BRPF1: variants seen among roughly 807,000 people sequenced by gnomAD.
BRPF1 encodes bromodomain and PHD finger containing 1, also known as peregrin.
Under a neutral mutation model 115.0 loss-of-function variants are expected in BRPF1, and 15 were observed. The observed-to-expected ratio is 0.13, with a 90% CI of 0.09 to 0.20. The LOEUF (loss-of-function observed/expected upper bound fraction) is 0.20, where lower values mean the gene tolerates loss of function less well. BRPF1 is among the 10% of genes least tolerant of loss of function. BRPF1 has a pLI of 1.00. For synonymous variants in BRPF1, 647 were observed against 619.8 expected, an observed-to-expected ratio of 1.04 and a Z score of -0.65; for missense variants, 1,118 against 1,638.3, an observed-to-expected ratio of 0.68 and a Z score of 5.48.
rs768402081 is a variant in BRPF1 at position 9,743,659 on chromosome 3, G to A, written c.2393G>A (p.Arg798Gln). The A allele has an allele frequency of 2.6e-5, 42 of 1,614,142 alleles. No individual in the cohort carries two copies. The highest frequency in any genetic ancestry group is 7.7e-5 in the South Asian group (7 of 91,086). The change falls in exon 8 of 14, where the codon CGG becomes CAG. Residue 798 changes from arginine to glutamine, a missense_variant. By Grantham distance (43) the Arg-to-Gln change is conservative (BLOSUM62 1). Transcript: ENST00000383829. The surrounding 1 kb of genome is among the most constrained non-coding windows in gnomAD (Gnocchi z 6.1). Reference protein sequence around the residue: ...VEEQLKLLLERLDEVNASKQS... With the variant: ...VEEQLKLLLEQLDEVNASKQS... The stretch of plus-strand genomic sequence containing the variant: ...GAACAGCTAAAGCTGCTTCTGGAGC[G>A]GCTGGACGAAGTGAATGCCAGCAAG...
chr3:9,741,071 G>A (rs1332145588), intron 4 of BRPF1, 130 bp downstream of exon 4: 24 of 1,090,878 alleles, frequency 2.2e-5, no homozygotes, highest in Non-Finnish European at 2.9e-5. Flanking sequence ...CTCAAACCAG[G>A]ATCAGCATGG....
Position 9,745,282 on chromosome 3 carries a change from A to C in BRPF1, c.3068+127A>C, listed in dbSNP as rs1261446892. On this transcript the variant is annotated intron_variant, in intron 10 of 13. Transcript: ENST00000383829. This position sits in a 1 kb window ranked among gnomAD's most constrained non-coding sequence, Gnocchi z 5.1. ...GTCTAGATTAAGATGGCTCAAACTCAAGGTTCTCTGCTAAATAAATAAATC... is the reference window on the plus strand; with the variant it reads ...GTCTAGATTAAGATGGCTCAAACTCCAGGTTCTCTGCTAAATAAATAAATC... 8.5e-7 allele frequency: 1 copy of C among 1,171,146 alleles called. No individual in the cohort carries two copies. The highest frequency in any genetic ancestry group is 1.2e-6 in the Non-Finnish European group (1 of 846,584). The allele number at this position is 1,171,146 out of a possible 1,614,324, so 72.5% of individuals were successfully genotyped here.
At position 9,734,458 on chromosome 3, in the gene BRPF1, C is replaced by G. The variant is rs927562819; in HGVS notation, c.318C>G (p.Arg106=). ...QRMVEVDLHG[R]VHRISIFDNL... ...TGGTGGAGGTGGACTTGCATGGCCG[C>G]GTCCACCGCATCAGCATCTTTGACA... Residue 106 remains arginine (R), a synonymous_variant, in exon 2 of 14, where the codon CGC becomes CGG. Coordinates refer to ENST00000383829, the MANE Select transcript of BRPF1 (RefSeq NM_001003694.2). The surrounding 1 kb of genome is among the most constrained non-coding windows in gnomAD (Gnocchi z 5.7). 6.2e-7 allele frequency: 1 copy of G among 1,614,024 alleles called. No homozygotes were observed. Among genetic ancestry groups the G allele is most frequent in the Admixed American group, 1.7e-5 (1 of 59,998 alleles).
At chr3:9,744,701 C>T (rs2077092767) in intron 9 of BRPF1, among the ~76,000 whole-genome samples, 193 bp downstream of exon 9, 1 of 152,224 alleles carries the variant, frequency 6.6e-6, no homozygotes, top group South Asian at 2.1e-4. Flanking sequence ...CAGCTAAAGT[C>T]CCATCCAGGG....
Position 9,734,860 on chromosome 3 carries a change from T to C in BRPF1, c.599+121T>C. On this transcript the variant is annotated intron_variant, in intron 2 of 13. Transcript: ENST00000383829. The surrounding 1 kb of genome is among the most constrained non-coding windows in gnomAD (Gnocchi z 5.7). ...ATAAAGAATAGTGAAAGAACACTGA[T>C]TTTGCCAGGGCAGTGAGTGGAATGG... The C allele has an allele frequency of 7.6e-7, 1 of 1,310,356 alleles. No individual in the cohort carries two copies. The highest frequency in any genetic ancestry group is 1.4e-5 in the South Asian group (1 of 71,014). The allele number at this position is 1,310,356 out of a possible 1,614,324, so 81.2% of individuals were successfully genotyped here.
chr3:9,745,465 C>A lies in BRPF1; in HGVS notation c.3069-108C>A. The A allele has an allele frequency of 7.6e-7, 1 of 1,314,768 alleles. No homozygotes were observed. 81.4% of individuals were successfully genotyped at this position (1,314,768 alleles called of 1,614,324 possible). ...TTTGAAATTCCTCATATAGCCTCTG[C>A]TTTCCAAAAGTCTCAGACCCTGCGG... On this transcript the variant is annotated intron_variant, in intron 10 of 13. Coordinates refer to ENST00000383829, the MANE Select transcript of BRPF1 (RefSeq NM_001003694.2). This position sits in a 1 kb window ranked among gnomAD's most constrained non-coding sequence, Gnocchi z 5.1.
At chr3:9,746,729 C>CTT (rs2077133136) in intron 13 of BRPF1, among the ~76,000 whole-genome samples, 2 of 152,186 alleles carry the variant, frequency 1.3e-5, no homozygotes, top group African/African-American at 4.8e-5. Flanking sequence ...ACTCAGATGG[C>CTT]TTCTAGACTT....
chr3:9,744,609 G>C, intron 9 of BRPF1, 101 bp downstream of exon 9: 1 of 919,770 alleles, frequency 1.1e-6, no homozygotes, highest in Non-Finnish European at 1.6e-6. Context: ...AAAAGAGCGA[G>C]CTAGAAGGGT....
rs372391475 is a variant in BRPF1 at position 9,746,294 on chromosome 3, C to G, written c.3325-6C>G. 1 of 1,551,258 alleles carries G rather than the reference C, an allele frequency of 6.4e-7. No homozygotes were observed. The highest frequency in any genetic ancestry group is 2.3e-5 in the East Asian group (1 of 43,736). ...GAACCAAACTGGGCTCTTATTATAT[C>G]CTCAGATCATTGATCCAAAGATGCC... On this transcript the variant is annotated splice_region_variant and splice_polypyrimidine_tract_variant and intron_variant, in intron 12 of 13. Transcript: ENST00000383829.
rs147640432 is a variant in BRPF1, at chr3:9,746,690, T to G, written c.3479+236T>G. Among the ~76,000 whole-genome samples the G allele has an allele frequency of 2.0e-3, 308 of 152,248 alleles. 2 individuals carry two copies. The highest frequency in any genetic ancestry group is 7.0e-3 in the African/African-American group (289 of 41,538). ...AAACCAAAGGACCATCAGAGACTTA[T>G]GACAAATATAGAGGTGGCTCCCACC... On this transcript the variant is annotated intron_variant, in intron 13 of 13. Transcript: ENST00000383829.
At position 9,745,685 on chromosome 3, in the gene BRPF1, A is replaced by G. The variant is rs550141300; in HGVS notation, c.3181A>G (p.Thr1061Ala). 13 of 1,614,248 alleles carry G rather than the reference A, an allele frequency of 8.1e-6. No homozygotes were observed. In the Admixed American group the frequency reaches 2.0e-4, roughly 25 times the overall value. ...GTENEAYSVG[T>A]GRGVGHSMVR... is the part of the protein sequence containing the mutation. ...TGAGAATGAGGCCTACTCCGTGGGC[A>G]CTGGCCGCGGCGTGGGCCACAGCAG... is the stretch of plus-strand genomic sequence containing the variant. The change falls in exon 11 of 14, where the codon ACT (threonine) becomes GCT (alanine). Residue 1061 changes from threonine (T) to alanine (A), a missense_variant. Transcript: ENST00000383829. The surrounding 1 kb of genome is among the most constrained non-coding windows in gnomAD (Gnocchi z 5.1).
chr3:9,747,527 A>C lies in BRPF1; in HGVS notation c.*178A>C. On this transcript the variant is annotated 3_prime_UTR_variant, in exon 14 of 14. Transcript: ENST00000383829. The surrounding 1 kb of genome is among the most constrained non-coding windows in gnomAD (Gnocchi z 5.6). ...TAAGTGCAGCTGGACTGTACAGAAC[A>C]CTCCAAGGGCCAATGGCAGTTCAGC... The C allele has an allele frequency of 1.6e-6, 1 of 613,888 alleles. No individual in the cohort carries two copies. Among genetic ancestry groups the C allele is most frequent in the East Asian group, 2.8e-5 (1 of 35,162 alleles). The allele number at this position is 613,888 out of a possible 1,614,324, so 38.0% of individuals were successfully genotyped here.
rs1337450098 is a variant in BRPF1 at position 9,742,059 on chromosome 3, T to C, written c.1889T>C (p.Leu630Pro). The C allele has an allele frequency of 6.2e-7, 1 of 1,614,092 alleles. No individual in the cohort carries two copies. Residue 630 changes from leucine to proline, a missense_variant, in exon 6 of 14, where the codon CTG becomes CCG. Around this residue, in one of 10 missense-constraint regions of BRPF1, gnomAD observed 178 missense variants for 303.7 expected, o/e 0.59. Coordinates refer to ENST00000383829, the MANE Select transcript of BRPF1 (RefSeq NM_001003694.2). Reference protein sequence around the residue: ...KVQQIAMEMQLTPFLILLRKT... With the variant: ...KVQQIAMEMQPTPFLILLRKT... The stretch of plus-strand genomic sequence containing the variant: ...CAGCAGATTGCCATGGAGATGCAGC[T>C]GACTCCTTTCCTCATCCTCCTTCGC...
intron 2 of BRPF1, 86 bp from the exon 3 acceptor site, chr3:9,738,913 G>A: frequency 7.6e-7 from 1 of 1,308,024 alleles, no homozygotes; most frequent in Non-Finnish European, 1.0e-6. Flanking sequence ...TAGGCACAGA[G>A]TAAGTGCTCA....
chr3:9,738,558 T>C (rs2076979181), intron 2 of BRPF1, among the ~76,000 whole-genome samples: 1 of 152,262 alleles, frequency 6.6e-6, no homozygotes, highest in Non-Finnish European at 1.5e-5. Context: ...ATATGTAATT[T>C]GTCAATGACA....
At position 9,743,577 on chromosome 3, in the gene BRPF1, G is replaced by C; in HGVS notation, c.2312-1G>C. ...CCTTTCCCCTCCAACCCTACCCCTA[G>C]CAGCCGAGGAAGAGCGGCTGGTCTT... On this transcript the variant is annotated splice_acceptor_variant, in intron 7 of 13. Transcript: ENST00000383829. LOFTEE classifies it high-confidence loss of function. The surrounding 1 kb of genome is among the most constrained non-coding windows in gnomAD (Gnocchi z 6.1). 1 of 1,611,080 alleles carries C rather than the reference G, an allele frequency of 6.2e-7. No individual in the cohort carries two copies. The highest frequency in any genetic ancestry group is 8.5e-7 in the Non-Finnish European group (1 of 1,178,114).
intron 9 of BRPF1, 67 bp downstream of exon 9, chr3:9,744,575 CCA>C: frequency 1.7e-6 from 2 of 1,209,228 alleles, no homozygotes; most frequent in Non-Finnish European, 2.3e-6. Context: ...CAGCATACTC[CCA>C]GTTACCCCTT....
rs1034160063 is a variant in BRPF1 at position 9,747,477 on chromosome 3, T to G, written c.*128T>G. 172 of 1,211,758 alleles carry G rather than the reference T, an allele frequency of 1.4e-4. No homozygotes were observed. The highest frequency in any genetic ancestry group is 1.9e-4 in the Non-Finnish European group (168 of 863,688). 75.1% of individuals were successfully genotyped at this position (1,211,758 alleles called of 1,614,324 possible). A position where few individuals can be genotyped will look rare whatever the true frequency, so the allele number is the denominator to read the frequency against. On this transcript the variant is annotated 3_prime_UTR_variant, in exon 14 of 14. Coordinates refer to ENST00000383829, the MANE Select transcript of BRPF1 (RefSeq NM_001003694.2). The surrounding 1 kb of genome is among the most constrained non-coding windows in gnomAD (Gnocchi z 5.6). ...TCTTGGGGCCAGTCTCAGGGGAAGC[T>G]GGGTGGGGGAGGTCCCTCCTGCCCT...
Position 9,740,061 on chromosome 3 carries a change from A to G in BRPF1, c.1559+103A>G. On this transcript the variant is annotated intron_variant, in intron 3 of 13. Coordinates refer to ENST00000383829, the MANE Select transcript of BRPF1 (RefSeq NM_001003694.2). Reference sequence around the variant, plus strand: ...AATGGCAGGGCTGGGCTATCTTCCCAGGAGCTGCATAGAAGTTAAAAAGAA... The same window carrying G: ...AATGGCAGGGCTGGGCTATCTTCCCGGGAGCTGCATAGAAGTTAAAAAGAA... The G allele has an allele frequency of 6.3e-6, 9 of 1,437,748 alleles. No individual in the cohort carries two copies. In the South Asian group the frequency reaches 1.4e-4, roughly 22 times the overall value. The allele number at this position is 1,437,748 out of a possible 1,614,324, so 89.1% of individuals were successfully genotyped here.
Sources: allele counts gnomAD v4.1 joint callset (sites outside exome capture counted in the v4.1 genomes callset), GRCh38; gene constraint gnomAD v4.1.1; regional missense constraint gnomAD v4.1.1; non-coding constraint Gnocchi (gnomAD v3.1); transcripts MANE v1.5; gene names NCBI Gene and HGNC (gene_info 2026-07-23, HGNC 2026-07-21).